Variants in ZNF578 observed in about 807,000 individuals in gnomAD.
ZNF578 encodes the protein zinc finger protein 578.
In ZNF578, 8 loss-of-function variants were observed where a neutral mutation model predicts 8.3. That is an observed-to-expected ratio of 0.96 (90% CI 0.56 to 1.74). The LOEUF is 1.74. ZNF578 is among the 40% of genes most tolerant of loss of function. The pLI is 0.00. For synonymous variants in ZNF578, 206 were observed against 232.2 expected, an observed-to-expected ratio of 0.89 and a Z score of 1.03; for missense variants, 726 against 707.5, an observed-to-expected ratio of 1.03 and a Z score of -0.30.
intron 1 of ZNF578, chr19:52,455,989 G>C (rs2122751042): frequency 6.6e-6 from 1 of 152,270 alleles, no homozygotes; most frequent in South Asian, 2.1e-4. Flanking sequence ...TAGCTACACA[G>C]ATCTCATTCC....
At position 52,494,827 on chromosome 19, in the gene ZNF578, TTTAATTAA is replaced by T. The variant is rs894219761; in HGVS notation, c.-20+3412_-20+3419del. Reference sequence around the variant, plus strand: ...TCACTTTCTGTTATTATGTAATACTTTTAATTAATTAATTAATATTTTGAGACAGGGTC... The same window carrying T: ...TCACTTTCTGTTATTATGTAATACTTTTAATTAATATTTTGAGACAGGGTC... On this transcript the variant is annotated intron_variant, in intron 3 of 5. Coordinates refer to ENST00000421239, the MANE Select transcript of ZNF578 (RefSeq NM_001099694.2). Among the ~76,000 whole-genome samples, 3 of 152,130 alleles carry T rather than the reference TTTAATTAA, an allele frequency of 2.0e-5. No homozygotes were observed. The South Asian group carries it at 6.2e-4, about 32-fold the overall frequency.
intron 3 of ZNF578, chr19:52,492,728 C>G (rs1314689464): frequency 6.6e-6 from 1 of 152,250 alleles, no homozygotes; most frequent in Non-Finnish European, 1.5e-5. Context: ...AGGGCAAGGT[C>G]TCTCCGCCTC....
chr19:52,484,251 C>T (rs990965547), intron 2 of ZNF578, among the ~76,000 whole-genome samples: 1 of 152,256 alleles, frequency 6.6e-6, no homozygotes, highest in South Asian at 2.1e-4. Flanking sequence ...CGGTTTTCCC[C>T]TATCTCAGTA....
At chr19:52,504,898 T>TGATTGTTC in intron 5 of ZNF578, 117 bp downstream of exon 5, 1 of 1,554,154 alleles carries the variant, frequency 6.4e-7, no homozygotes, top group East Asian at 2.2e-5. Context: ...TTTGATTGTT[T>TGATTGTTC]GTTTGGTTTG....
intron 2 of ZNF578, among the ~76,000 whole-genome samples, chr19:52,470,207 C>T (rs1465284854): frequency 6.6e-6 from 1 of 152,138 alleles, no homozygotes; most frequent in Non-Finnish European, 1.5e-5. Flanking sequence ...CAATGGCCTC[C>T]TCTGAGGCAG....
chr19:52,487,762 T>C (rs2059350535), intron 2 of ZNF578, among the ~76,000 whole-genome samples: 1 of 152,010 alleles, frequency 6.6e-6, no homozygotes. Context: ...TCTGAGTAGC[T>C]GGGACCACAG....
intron 2 of ZNF578, among the ~76,000 whole-genome samples, chr19:52,481,146 G>T (rs1216994398): frequency 6.6e-6 from 1 of 152,046 alleles, no homozygotes; most frequent in Non-Finnish European, 1.5e-5. Flanking sequence ...GTTATACCTT[G>T]AACCTTATAT....
intron 2 of ZNF578, among the ~76,000 whole-genome samples, chr19:52,475,545 G>A (rs1242266411): frequency 6.6e-6 from 1 of 152,002 alleles, no homozygotes. Flanking sequence ...TTTTAGTAGA[G>A]ACGGGGTTTC....
At chr19:52,501,480 G>T (rs142349835) in intron 3 of ZNF578, among the ~76,000 whole-genome samples, 11,937 of 152,230 alleles carry the variant, frequency 0.078, 499 homozygotes, top group Middle Eastern at 0.11. Context: ...ATTTCTGAGG[G>T]CTGAGCTCAG....
intron 2 of ZNF578, among the ~76,000 whole-genome samples, chr19:52,482,109 C>T (rs2059328613): frequency 1.3e-5 from 2 of 152,290 alleles, no homozygotes; most frequent in South Asian, 2.1e-4. Flanking sequence ...TCTCAGCTCG[C>T]CACAACCTCT....
Position 52,516,817 on chromosome 19 carries a change from G to C in ZNF578, c.*4663G>C, listed in dbSNP as rs749657336. Among the ~76,000 whole-genome samples the C allele has an allele frequency of 1.3e-5, 2 of 152,114 alleles. No individual in the cohort carries two copies. The highest frequency in any genetic ancestry group is 2.4e-5 in the African/African-American group (1 of 41,406). ...AATGATAATCCCACCATACTTTGCTGACTCTCTTTTCACACTCAGCCCGCC... is the reference window on the plus strand; with the variant it reads ...AATGATAATCCCACCATACTTTGCTCACTCTCTTTTCACACTCAGCCCGCC... On this transcript the variant is annotated 3_prime_UTR_variant, in exon 6 of 6. Coordinates refer to ENST00000421239, the MANE Select transcript of ZNF578 (RefSeq NM_001099694.2).
intron 2 of ZNF578, among the ~76,000 whole-genome samples, chr19:52,479,097 T>C (rs963106311): frequency 2.0e-5 from 3 of 152,046 alleles, no homozygotes; most frequent in Non-Finnish European, 2.9e-5. Flanking sequence ...CCATGGGTTA[T>C]GCATGGTAAT....
At chr19:52,462,873 A>G (rs2059263174) in intron 2 of ZNF578, among the ~76,000 whole-genome samples, 1 of 152,170 alleles carries the variant, frequency 6.6e-6, no homozygotes, top group Non-Finnish European at 1.5e-5. Context: ...CCTCTTCCCC[A>G]TGTTATAACT....
intron 5 of ZNF578, 75 bp downstream of exon 5, chr19:52,504,856 T>C (rs1319665929): frequency 4.8e-5 from 76 of 1,589,668 alleles, no homozygotes; most frequent in Non-Finnish European, 6.2e-5. Context: ...TGTATTCTCT[T>C]TTGTGATTTT....
chr19:52,481,243 T>G (rs2059325416), intron 2 of ZNF578, among the ~76,000 whole-genome samples: 1 of 151,992 alleles, frequency 6.6e-6, no homozygotes, highest in Non-Finnish European at 1.5e-5. Context: ...TCAATTTCAC[T>G]TCTTCTGCTC....
rs776457814 is a variant in ZNF578, at chr19:52,511,156, T to C, written c.775T>C (p.Tyr259His). The C allele has an allele frequency of 2.4e-5, 39 of 1,614,042 alleles. No individual in the cohort carries two copies. The highest frequency in any genetic ancestry group is 3.1e-5 in the Non-Finnish European group (37 of 1,179,998). The stretch of plus-strand genomic sequence containing the variant: ...GATAATCCATTTAGGAGAAAAACAA[T>C]ATAAATTTGATATATGTGGCAAAGT... The part of the protein sequence containing the change: ...HQIIHLGEKQ[Y>H]KFDICGKVFN... Residue 259 changes from tyrosine (Y) to histidine (H), a missense_variant, in exon 6 of 6, where the codon TAT becomes CAT. Transcript: ENST00000421239.
intron 2 of ZNF578, among the ~76,000 whole-genome samples, chr19:52,486,106 A>G (rs776259755): frequency 6.6e-6 from 1 of 152,192 alleles, no homozygotes; most frequent in Non-Finnish European, 1.5e-5. Flanking sequence ...GATAGGAGAA[A>G]ACGGCCTTAG....
rs771924178 is a variant in ZNF578 at position 52,511,974 on chromosome 19, A to G, written c.1593A>G (p.Arg531=). Residue 531 remains arginine, a synonymous_variant, in exon 6 of 6, where the codon AGA becomes AGG. Transcript: ENST00000421239. ...AGTCACACCTTTCACGTCATCATAG[A>G]CTTCATACTGGAGAGAAACCTTACA... The part of the protein sequence containing the change: ...NVQSHLSRHH[R]LHTGEKPYKC... The G allele has an allele frequency of 6.2e-7, 1 of 1,614,104 alleles. No homozygotes were observed.
At chr19:52,486,601 G>C (rs1434357159) in intron 2 of ZNF578, among the ~76,000 whole-genome samples, 5 of 152,280 alleles carry the variant, frequency 3.3e-5, no homozygotes, top group Admixed American at 1.3e-4. Flanking sequence ...GAGGGAGAGA[G>C]GGAAGGATTT....
Sources: allele counts gnomAD v4.1 joint callset (sites outside exome capture counted in the v4.1 genomes callset), GRCh38; gene constraint gnomAD v4.1.1; transcripts MANE v1.5; gene names NCBI Gene and HGNC (gene_info 2026-07-23, HGNC 2026-07-21).